OTOF: variants seen among roughly 807,000 people sequenced by gnomAD.
OTOF encodes otoferlin, also known as fer-1-like family member 2.
A neutral mutation model predicts 236.8 loss-of-function variants in OTOF; 218 were observed. The ratio of observed to expected loss-of-function variants is 0.92; its 90% CI spans 0.82 to 1.03. OTOF has a LOEUF of 1.03. Among genes scored for constraint, OTOF ranks in the 50% least tolerant of loss-of-function variants. The pLI, the probability that OTOF is intolerant of heterozygous loss-of-function variation, is 0.00. For synonymous variants in OTOF, 1,041 were observed against 1,072.5 expected (o/e 0.97, Z 0.57); for missense variants, 2,590 against 2,694.4 (o/e 0.96, Z 0.86).
At chr2:26,494,559 T>G (rs1263427729) in intron 9 of OTOF, among the ~76,000 whole-genome samples, 1 of 150,954 alleles carries the variant, frequency 6.6e-6, no homozygotes, top group African/African-American at 2.4e-5. Flanking sequence ...AAGTGCTTAC[T>G]AATGGTGCCA....
Position 26,466,028 on chromosome 2 carries a change from T to G in OTOF, c.4549A>C (p.Ile1517Leu), listed in dbSNP as rs142333327. 6.2e-7 allele frequency: 1 copy of G among 1,614,118 alleles called. No homozygotes were observed. Among genetic ancestry groups the G allele is most frequent in the Non-Finnish European group, 8.5e-7 (1 of 1,180,042 alleles). Residue 1517 changes from isoleucine (I) to leucine (L), a missense_variant, in exon 37 of 47, where the codon ATC (isoleucine) becomes CTC (leucine). Physicochemically the swap from Ile to Leu is conservative, Grantham distance 5. Around this residue, in one of 2 missense-constraint regions of OTOF, gnomAD observed 1,211 missense variants for 1,352.8 expected, o/e 0.90. Coordinates refer to ENST00000272371, the MANE Select transcript of OTOF (RefSeq NM_194248.3). ...TCAGTCTTGCCTAGCCGGATGGCGATGTAGGGGTCAGCTTTGCCGTTGATG... is the reference window on the plus strand; with the variant it reads ...TCAGTCTTGCCTAGCCGGATGGCGAGGTAGGGGTCAGCTTTGCCGTTGATG... The part of the protein sequence containing the change: ...ADINGKADPY[I>L]AIRLGKTDIR...
chr2:26,483,395 A>G, intron 13 of OTOF, 67 bp downstream of exon 13: 3 of 1,445,080 alleles, frequency 2.1e-6, no homozygotes. Flanking sequence ...CAGGCCCCAC[A>G]CCCATCAGCC....
chr2:26,513,071 A>T (rs968129544), intron 5 of OTOF, among the ~76,000 whole-genome samples: 1 of 152,138 alleles, frequency 6.6e-6, no homozygotes, highest in African/African-American at 2.4e-5. Context: ...AGTGGCTCAG[A>T]GGGCATGCGG....
At chr2:26,495,725 C>T (rs776116513) in intron 8 of OTOF, among the ~76,000 whole-genome samples, 7 of 152,194 alleles carry the variant, frequency 4.6e-5, no homozygotes, top group Non-Finnish European at 8.8e-5. Context: ...CGTGCCCAGG[C>T]TGGAATCTGT....
Position 26,476,236 on chromosome 2 carries a change from T to C in OTOF, c.2758A>G (p.Lys920Glu). The change falls in exon 23 of 47, where the codon AAA (lysine) becomes GAA (glutamate). Residue 920 changes from lysine to glutamate, a missense_variant. Transcript: ENST00000272371. ...VELYLWLGLS[K>E]QRKEFLCGLP... The stretch of plus-strand genomic sequence containing the variant: ...CCGCACAGGAACTCCTTGCGCTGTT[T>C]GCTGAGGCCCAGCCACAGGTACAGC... 6.2e-7 allele frequency: 1 copy of C among 1,608,522 alleles called. No homozygotes were observed. The highest frequency in any genetic ancestry group is 1.7e-5 in the Admixed American group (1 of 60,004).
intron 5 of OTOF, among the ~76,000 whole-genome samples, chr2:26,512,169 G>A (rs1329486547): frequency 2.0e-5 from 3 of 152,208 alleles, no homozygotes; most frequent in African/African-American, 4.8e-5. Flanking sequence ...GGAGGTGGGG[G>A]TCGTGGAGGG....
chr2:26,498,093 G>A (rs796126877), intron 8 of OTOF, among the ~76,000 whole-genome samples: 16 of 152,344 alleles, frequency 1.1e-4, no homozygotes, highest in African/African-American at 3.6e-4. Context: ...CAAGAGAGTG[G>A]TTGGTTTTTA....
At position 26,543,575 on chromosome 2, in the gene OTOF, C is replaced by T. The variant is rs1329447337; in HGVS notation, c.80-5801G>A. On this transcript the variant is annotated intron_variant, in intron 1 of 46. Coordinates refer to ENST00000272371, the MANE Select transcript of OTOF (RefSeq NM_194248.3). ...GCGTGCCCTGGATGAAGCTAATTAA[C>T]TTCTCTTTGCCCTTGTTTCCTCACC... is the stretch of plus-strand genomic sequence containing the variant. 2.2e-5 allele frequency among the ~76,000 whole-genome samples: 3 copies of T among 136,150 alleles called. No homozygotes were observed. In the East Asian group the frequency reaches 1.4e-3, roughly 63 times the overall value. 89.3% of individuals were successfully genotyped at this position (136,150 alleles called of 152,430 possible).
intron 5 of OTOF, among the ~76,000 whole-genome samples, chr2:26,513,130 G>C (rs2148093363): frequency 6.6e-6 from 1 of 152,282 alleles, no homozygotes; most frequent in East Asian, 1.9e-4. Flanking sequence ...AGAGTCAGTG[G>C]GCGGTGGGGT....
rs758918226 is a variant in OTOF at position 26,472,518 on chromosome 2, C to T, written c.3864+1G>A. On this transcript the variant is annotated splice_donor_variant, in intron 30 of 46. Coordinates refer to ENST00000272371, the MANE Select transcript of OTOF (RefSeq NM_194248.3). LOFTEE classifies it high-confidence loss of function. ...CAGGGGGCTGACCCCACCCGCCTTA[C>T]CGCGTCCAGCTTCACCATGGTCTCC... 10 of 1,613,380 alleles carry T rather than the reference C, an allele frequency of 6.2e-6. No individual in the cohort carries two copies. The highest frequency in any genetic ancestry group is 8.5e-6 in the Non-Finnish European group (10 of 1,180,010).
intron 8 of OTOF, among the ~76,000 whole-genome samples, chr2:26,495,961 C>G (rs984195935): frequency 2.0e-5 from 3 of 152,356 alleles, no homozygotes; most frequent in South Asian, 2.1e-4. Context: ...GCTCCCCCCC[C>G]TTTCCACATT....
In OTOF at chr2:26,511,444, G is replaced by A. The variant is rs1476690938; in HGVS notation, c.509+4974C>T. Among the ~76,000 whole-genome samples, 3 of 152,236 alleles carry A rather than the reference G, an allele frequency of 2.0e-5. No homozygotes were observed. The East Asian group carries it at 5.8e-4, about 29-fold the overall frequency. ...GTTCTCTCAATGCTTTCCCAGTGCT[G>A]TGGCAATGAGGATGAAGACAGGAAA... On this transcript the variant is annotated intron_variant, in intron 5 of 46. Transcript: ENST00000272371.
At chr2:26,475,893 T>A in intron 24 of OTOF, 21 bp downstream of exon 24, 1 of 1,590,554 alleles carries the variant, frequency 6.3e-7, no homozygotes, top group Non-Finnish European at 8.6e-7. Flanking sequence ...CCAGAGCCAC[T>A]CCCTCCTCCC....
In OTOF at chr2:26,480,817, A is replaced by T; in HGVS notation, c.1772T>A (p.Val591Glu). The change falls in exon 15 of 47, where the codon GTG becomes GAG. Residue 591 changes from valine (V) to glutamate (E), a missense_variant. Val to Glu is a moderately radical substitution (Grantham distance 121). This residue lies in a region of OTOF where 1,379 missense variants were observed against 1,341.6 expected (regional missense o/e 1.03). Transcript: ENST00000272371. ...GATGGGCGTGGCCTGCTCCACCTGC[A>T]CCTCTGTGGAGCTGGTGAGCTCAGG... is the stretch of plus-strand genomic sequence containing the variant. ...SNPELTSSTE[V>E]QVEQATPISE... 6.2e-7 allele frequency: 1 copy of T among 1,612,406 alleles called. No individual in the cohort carries two copies.
At chr2:26,527,030 G>A (rs760447390) in intron 3 of OTOF, among the ~76,000 whole-genome samples, 23 of 152,252 alleles carry the variant, frequency 1.5e-4, no homozygotes, top group Admixed American at 3.9e-4. Flanking sequence ...CTGTTCCAGC[G>A]TGTTCAAATC....
Position 26,473,303 on chromosome 2 carries a change from T to A in OTOF, c.3571-9A>T. On this transcript the variant is annotated splice_polypyrimidine_tract_variant and intron_variant, in intron 28 of 46. Transcript: ENST00000272371. The surrounding 1 kb of genome is among the most constrained non-coding windows in gnomAD (Gnocchi z 7.2). ...TCGTTCTCTGGGAGGTCCTGGGGTG[T>A]TGGCGACAGGAGCCTGAGCCTCCAA... 2 of 1,613,140 alleles carry A rather than the reference T, an allele frequency of 1.2e-6. No homozygotes were observed. The highest frequency in any genetic ancestry group is 1.7e-6 in the Non-Finnish European group (2 of 1,179,820).
chr2:26,511,868 G>GTGGAAACCGAT (rs1159596133), intron 5 of OTOF, among the ~76,000 whole-genome samples: 7 of 152,210 alleles, frequency 4.6e-5, no homozygotes, highest in Non-Finnish European at 1.0e-4. Flanking sequence ...TCTAGGGGCT[G>GTGGAAACCGAT]TGGAAACCGA....
rs141903615 is a variant in OTOF at position 26,532,990 on chromosome 2, C to T, written c.138+4726G>A. Among the ~76,000 whole-genome samples the T allele has an allele frequency of 4.7e-3, 714 of 152,224 alleles. 2 individuals are homozygous for T. The highest frequency in any genetic ancestry group is 8.7e-3 in the Non-Finnish European group (595 of 68,002). On this transcript the variant is annotated intron_variant, in intron 2 of 46. Transcript: ENST00000272371. ...CTTTAGAGCAGGGGTCCCCATATCCCGGGCCACAGACCAGTACCAGTCCAT... is the reference window on the plus strand; with the variant it reads ...CTTTAGAGCAGGGGTCCCCATATCCTGGGCCACAGACCAGTACCAGTCCAT...
intron 1 of OTOF, among the ~76,000 whole-genome samples, chr2:26,553,097 A>C (rs1667502979): frequency 6.6e-6 from 1 of 152,204 alleles, no homozygotes; most frequent in Non-Finnish European, 1.5e-5. Context: ...ATGTGGAGTC[A>C]GAGGTGGAGC....
Sources: gnomAD v4.1 joint callset for allele counts (sites outside exome capture counted in the v4.1 genomes callset) on GRCh38, gnomAD v4.1.1 for gene constraint, gnomAD v4.1.1 regional missense constraint, Gnocchi (gnomAD v3.1) non-coding constraint, MANE v1.5 for transcripts, NCBI Gene and HGNC (gene_info 2026-07-23, HGNC 2026-07-21) for gene names.